The following TLE4 variants were observed in gnomAD, a reference collection of about 807,000 sequenced individuals.
TLE4 encodes the protein transducin-like enhancer protein 4.
In TLE4, 8 loss-of-function variants were observed where a neutral mutation model predicts 92.8. That is an observed-to-expected ratio of 0.09 (90% CI 0.05 to 0.16). The LOEUF is 0.16. Ranked by LOEUF, TLE4 falls within the 10% of genes least tolerant of loss-of-function variation. The pLI, the probability that TLE4 is intolerant of heterozygous loss-of-function variation, is 1.00. For missense variants in TLE4, 675 were observed against 997.6 expected, an observed-to-expected ratio of 0.68 and a Z score of 4.36; for synonymous variants, 371 against 374.1, an observed-to-expected ratio of 0.99 and a Z score of 0.10.
At chr9:79,722,738 C>G (rs2075837285) in intron 18 of TLE4, 137 bp downstream of exon 18, 1 of 1,138,872 alleles carries the variant, frequency 8.8e-7, no homozygotes, top group African/African-American at 1.6e-5. Context: ...TGATACATGC[C>G]TGCTTCCCCA....
chr9:79,701,300 C>G (rs1318456646), intron 8 of TLE4, among the ~76,000 whole-genome samples: 2 of 152,152 alleles, frequency 1.3e-5, no homozygotes, highest in African/African-American at 2.4e-5. Context: ...CAACATGTAA[C>G]TCTGTTCTAC....
chr9:79,668,058 A>G (rs898823437), intron 8 of TLE4, among the ~76,000 whole-genome samples: 7 of 152,272 alleles, frequency 4.6e-5, no homozygotes, highest in Admixed American at 4.6e-4. Flanking sequence ...ATTATTCTAC[A>G]TGTTTGCCCA....
chr9:79,699,049 T>C (rs1419161022), intron 8 of TLE4, among the ~76,000 whole-genome samples: 1 of 152,146 alleles, frequency 6.6e-6, no homozygotes, highest in Non-Finnish European at 1.5e-5. Context: ...TAGTTTGATG[T>C]ACGTAGGTTT....
At chr9:79,666,517 G>GAT (rs1206654953) in intron 8 of TLE4, among the ~76,000 whole-genome samples, 1 of 152,114 alleles carries the variant, frequency 6.6e-6, no homozygotes, top group African/African-American at 2.4e-5. Flanking sequence ...GGGATTACAG[G>GAT]CGTGAGCCAT....
intron 14 of TLE4, among the ~76,000 whole-genome samples, chr9:79,712,241 T>C (rs964076412): frequency 5.3e-5 from 8 of 152,220 alleles, no homozygotes; most frequent in Non-Finnish European, 1.0e-4. Context: ...CATTGTGTTT[T>C]AGGGGCAGAA....
At chr9:79,669,203 G>A (rs983358913) in intron 8 of TLE4, among the ~76,000 whole-genome samples, 1 of 152,130 alleles carries the variant, frequency 6.6e-6, no homozygotes, top group Non-Finnish European at 1.5e-5. Flanking sequence ...GTGCACACAT[G>A]GTCAGTGGAG....
At chr9:79,622,652 A>G (rs963501363) in intron 5 of TLE4, among the ~76,000 whole-genome samples, 3 of 152,208 alleles carry the variant, frequency 2.0e-5, no homozygotes, top group African/African-American at 4.8e-5. Context: ...TTTAAATTCT[A>G]TGAGATCAAA....
chr9:79,694,631 A>G (rs2067820541), intron 8 of TLE4, among the ~76,000 whole-genome samples: 1 of 152,220 alleles, frequency 6.6e-6, no homozygotes, highest in African/African-American at 2.4e-5. Flanking sequence ...TTTACATAAT[A>G]AAAATTTACG....
At chr9:79,705,820 G>A (rs376361824) in intron 9 of TLE4, 69 bp from the exon 10 acceptor site, 2 of 1,475,130 alleles carry the variant, frequency 1.4e-6, no homozygotes, top group Non-Finnish European at 1.9e-6. Flanking sequence ...AATTAGTCTG[G>A]ACTTACTTAG....
chr9:79,679,074 G>A (rs11138322), intron 8 of TLE4, among the ~76,000 whole-genome samples: 78,528 of 150,054 alleles, frequency 0.52, 23,102 homozygotes, highest in East Asian at 0.7. Context: ...TAGTGCCGCA[G>A]TAAACATACG....
chr9:79,686,982 G>A (rs2065996037), intron 8 of TLE4, among the ~76,000 whole-genome samples: 2 of 152,288 alleles, frequency 1.3e-5, no homozygotes, highest in South Asian at 2.1e-4. Context: ...TTGTCATTTG[G>A]TATCATCTGG....
chr9:79,654,356 G>A (rs2059465646), intron 8 of TLE4, among the ~76,000 whole-genome samples: 1 of 150,958 alleles, frequency 6.6e-6, no homozygotes, highest in African/African-American at 2.4e-5. Context: ...AAAAATAACT[G>A]CTTTTCTTCA....
At chr9:79,713,338 TG>T (rs1197724596) in intron 14 of TLE4, among the ~76,000 whole-genome samples, 3 of 152,228 alleles carry the variant, frequency 2.0e-5, no homozygotes, top group Non-Finnish European at 4.4e-5. Flanking sequence ...TGCATGTGTC[TG>T]GATTGTTTAA....
chr9:79,705,930 C>G lies in TLE4; in HGVS notation c.771C>G (p.Asp257Glu), dbSNP rs368395841. The G allele has an allele frequency of 6.2e-7, 1 of 1,614,016 alleles. No individual in the cohort carries two copies. Among genetic ancestry groups the G allele is most frequent in the Non-Finnish European group, 8.5e-7 (1 of 1,180,028 alleles). The stretch of plus-strand genomic sequence containing the variant: ...AAAGTGATGACAACTTGGTGGTTGA[C>G]GTTTCCAATGAGGTATGTTTGTGGC... ...GEKSDDNLVV[D>E]VSNEDPSSPR... The change falls in exon 10 of 20, where the codon GAC becomes GAG. Residue 257 changes from aspartate (D) to glutamate (E), a missense_variant. By Grantham distance (45) the Asp-to-Glu change is conservative. This residue lies in a region of TLE4 where 280 missense variants were observed against 287.3 expected (regional missense o/e 0.97). Coordinates refer to ENST00000376552, the MANE Select transcript of TLE4 (RefSeq NM_007005.6).
At chr9:79,587,237 G>A (rs912810039) in intron 4 of TLE4, among the ~76,000 whole-genome samples, 1 of 152,138 alleles carries the variant, frequency 6.6e-6, no homozygotes. Flanking sequence ...CATATTCTGA[G>A]TATCAGCCAC....
intron 8 of TLE4, among the ~76,000 whole-genome samples, chr9:79,700,861 C>A (rs1034210188): frequency 6.6e-6 from 1 of 152,124 alleles, no homozygotes; most frequent in Admixed American, 6.5e-5. Context: ...CATACACACA[C>A]ACACGCACAC....
intron 8 of TLE4, among the ~76,000 whole-genome samples, chr9:79,663,059 G>A (rs1465690177): frequency 6.6e-6 from 1 of 151,838 alleles, no homozygotes. Flanking sequence ...TGGGGGTGGG[G>A]GTGGGGGTGG....
In TLE4 at chr9:79,726,202, A is replaced by G. The variant is rs2076363131; in HGVS notation, c.*1058A>G. The G allele has an allele frequency of 6.6e-6, 1 of 152,622 alleles. No homozygotes were observed. Among genetic ancestry groups the G allele is most frequent in the Non-Finnish European group, 1.5e-5 (1 of 68,032 alleles). 9.5% of individuals were successfully genotyped at this position (152,622 alleles called of 1,614,324 possible). On this transcript the variant is annotated 3_prime_UTR_variant, in exon 20 of 20. Transcript: ENST00000376552. ...CCTGGGATGAGGACTTGCTTTCTTTACCTCCGGTTCTTTCCATGTCTTAGT... is the reference window on the plus strand; with the variant it reads ...CCTGGGATGAGGACTTGCTTTCTTTGCCTCCGGTTCTTTCCATGTCTTAGT...
chr9:79,667,478 A>G (rs1344370844), intron 8 of TLE4, among the ~76,000 whole-genome samples: 2 of 152,240 alleles, frequency 1.3e-5, no homozygotes, highest in East Asian at 1.9e-4. Context: ...AAATTCATCC[A>G]GGGAATTCTA....
Sources: gnomAD v4.1 joint callset for allele counts (sites outside exome capture counted in the v4.1 genomes callset) on GRCh38, gnomAD v4.1.1 for gene constraint, gnomAD v4.1.1 regional missense constraint, MANE v1.5 for transcripts, NCBI Gene and HGNC (gene_info 2026-07-23, HGNC 2026-07-21) for gene names.